Variants in TSEN2 observed in about 807,000 individuals in gnomAD.
TSEN2 encodes tRNA-splicing endonuclease subunit Sen2.
A neutral mutation model predicts 59.2 loss-of-function variants in TSEN2; 54 were observed. That is an observed-to-expected ratio of 0.91 (90% CI 0.73 to 1.14). The LOEUF (loss-of-function observed/expected upper bound fraction) is 1.14. Among genes scored for constraint, TSEN2 ranks in the 50% most tolerant of loss-of-function variants. TSEN2 has a pLI of 0.00. For synonymous variants in TSEN2, 195 were observed against 198.2 expected (o/e 0.98, Z 0.14); for missense variants, 636 against 576.2 (o/e 1.10, Z -1.06).
chr3:12,527,630 A>G (rs1247704824), intron 8 of TSEN2, among the ~76,000 whole-genome samples: 1 of 152,090 alleles, frequency 6.6e-6, no homozygotes, highest in Non-Finnish European at 1.5e-5. Flanking sequence ...GGCAATTCCC[A>G]TAGCTGTAGT....
At chr3:12,490,270 A>G (rs1004753843) in intron 2 of TSEN2, among the ~76,000 whole-genome samples, 1 of 152,244 alleles carries the variant, frequency 6.6e-6, no homozygotes, top group South Asian at 2.1e-4. Context: ...TTTAGTTGTA[A>G]AAGCAATGCA....
At chr3:12,521,133 G>A (rs557569937) in intron 8 of TSEN2, among the ~76,000 whole-genome samples, 1 of 152,262 alleles carries the variant, frequency 6.6e-6, no homozygotes, top group South Asian at 2.1e-4. Flanking sequence ...CATTTTTGTG[G>A]CTGCCTAGTA....
chr3:12,527,410 C>G (rs1052165456), intron 8 of TSEN2, among the ~76,000 whole-genome samples: 2 of 151,196 alleles, frequency 1.3e-5, no homozygotes, highest in Admixed American at 6.6e-5. Context: ...CTATCCATTC[C>G]TCAAGGGAAA....
At position 12,512,948 on chromosome 3, in the gene TSEN2, T is replaced by C. The variant is rs564322218; in HGVS notation, c.910-3663T>C. ...ATGTTAAAAACTATCATTAAACTTA[T>C]CCTTCCATCTTATTAGTACTGCGAA... On this transcript the variant is annotated intron_variant, in intron 6 of 11. Transcript: ENST00000284995. Among the ~76,000 whole-genome samples, 42 of 152,348 alleles carry C rather than the reference T, an allele frequency of 2.8e-4. 1 individual carries two copies. The South Asian group carries it at 8.5e-3, about 31-fold the overall frequency.
rs187526822 is a variant in TSEN2, at chr3:12,520,556, G to A, written c.1099+1359G>A. The stretch of plus-strand genomic sequence containing the variant: ...TGTAATCCCAGCACTTTGGGAGGCC[G>A]AGGCGGGCAGATCGCTTGAGGTCAG... On this transcript the variant is annotated intron_variant, in intron 8 of 11. Coordinates refer to ENST00000284995, the MANE Select transcript of TSEN2 (RefSeq NM_025265.4). Among the ~76,000 whole-genome samples, 561 of 152,260 alleles carry A rather than the reference G, an allele frequency of 3.7e-3. 1 individual carries two copies. The highest frequency in any genetic ancestry group is 5.8e-3 in the South Asian group (28 of 4,822).
rs768531047 is a variant in TSEN2 at position 12,519,156 on chromosome 3, G to A, written c.1058G>A (p.Gly353Asp). Residue 353 changes from glycine to aspartate, a missense_variant, in exon 8 of 12, where the codon GGC becomes GAC. Transcript: ENST00000284995. ...GCCTACCATTACTTTCGAAGCAAGG[G>A]CTGGGTGCCCAAAGTGGGACTCAAG... Reference protein sequence around the residue: ...YMAYHYFRSKGWVPKVGLKYG... With the variant: ...YMAYHYFRSKDWVPKVGLKYG... The A allele has an allele frequency of 3.7e-6, 6 of 1,614,096 alleles. No individual in the cohort carries two copies. Among genetic ancestry groups the A allele is most frequent in the Non-Finnish European group, 2.5e-6 (3 of 1,180,052 alleles).
At chr3:12,486,608 G>C (rs1559265301) in intron 1 of TSEN2, among the ~76,000 whole-genome samples, 1 of 152,168 alleles carries the variant, frequency 6.6e-6, no homozygotes, top group Non-Finnish European at 1.5e-5. Flanking sequence ...ACGAGTCAGT[G>C]GTCTTCGTAT....
In TSEN2 at chr3:12,492,147, A is replaced by G. The variant is rs1033409142; in HGVS notation, c.201A>G (p.Gly67=). ...IEQLYGKGYF[G]KGILSRSRPS... The stretch of plus-strand genomic sequence containing the variant: ...TCTCTTCCTGGAAGGGTTATTTTGG[A>G]AAAGGTATTCTTTCAAGAAGCCGTC... Residue 67 remains glycine, a synonymous_variant, in exon 3 of 12, where the codon GGA becomes GGG. Coordinates refer to ENST00000284995, the MANE Select transcript of TSEN2 (RefSeq NM_025265.4). 3 of 1,613,896 alleles carry G rather than the reference A, an allele frequency of 1.9e-6. No homozygotes were observed. The highest frequency in any genetic ancestry group is 1.3e-5 in the African/African-American group (1 of 75,058).
At chr3:12,525,589 C>G (rs183643671) in intron 8 of TSEN2, among the ~76,000 whole-genome samples, 9 of 152,256 alleles carry the variant, frequency 5.9e-5, no homozygotes, top group Non-Finnish European at 1.2e-4. Flanking sequence ...CAAGGTCTCA[C>G]TCTATCCCCG....
At chr3:12,520,945 C>T (rs1056496711) in intron 8 of TSEN2, among the ~76,000 whole-genome samples, 5 of 152,152 alleles carry the variant, frequency 3.3e-5, no homozygotes, top group African/African-American at 9.7e-5. Context: ...TCCCTCTCTT[C>T]ACCCTCAGGT....
At chr3:12,501,437 T>A (rs1240222106) in intron 4 of TSEN2, among the ~76,000 whole-genome samples, 1 of 152,190 alleles carries the variant, frequency 6.6e-6, no homozygotes, top group East Asian at 1.9e-4. Context: ...ATTCCCAGTA[T>A]ATAGGGAGGC....
intron 4 of TSEN2, among the ~76,000 whole-genome samples, chr3:12,498,971 G>A (rs938607808): frequency 6.6e-6 from 1 of 152,082 alleles, no homozygotes; most frequent in African/African-American, 2.4e-5. Flanking sequence ...TCTTGCCCAG[G>A]CTGGTCTTGG....
In TSEN2 at chr3:12,505,142, C is replaced by T. The variant is rs747831049; in HGVS notation, c.832-12C>T. Reference sequence around the variant, plus strand: ...CATTTGTTCTGTATATATTGTATTTCTTTCTCTTTAGTTGGTGCAAAGAAA... The same window carrying T: ...CATTTGTTCTGTATATATTGTATTTTTTTCTCTTTAGTTGGTGCAAAGAAA... On this transcript the variant is annotated splice_polypyrimidine_tract_variant and intron_variant, in intron 5 of 11. Coordinates refer to ENST00000284995, the MANE Select transcript of TSEN2 (RefSeq NM_025265.4). 1 of 1,548,904 alleles carries T rather than the reference C, an allele frequency of 6.5e-7. No homozygotes were observed. The highest frequency in any genetic ancestry group is 8.9e-7 in the Non-Finnish European group (1 of 1,120,636).
chr3:12,499,525 A>T (rs777252628), intron 4 of TSEN2, among the ~76,000 whole-genome samples: 3 of 152,188 alleles, frequency 2.0e-5, no homozygotes, highest in Non-Finnish European at 2.9e-5. Flanking sequence ...CCAGTCTCTG[A>T]GCTTGCCTGC....
At chr3:12,538,307 G>A (rs747349753), downstream of TSEN2, among the ~76,000 whole-genome samples, 109 of 152,316 alleles carry the variant, frequency 7.2e-4, no homozygotes, top group Middle Eastern at 0.017. Flanking sequence ...GAAGTGGTTC[G>A]GGCTCCCGAA....
upstream of TSEN2, among the ~76,000 whole-genome samples, chr3:12,483,741 T>C (rs2052311595): frequency 6.6e-6 from 1 of 152,230 alleles, no homozygotes; most frequent in African/African-American, 2.4e-5. Flanking sequence ...GTGATTCATA[T>C]TTGGGAAAGT....
intron 6 of TSEN2, chr3:12,514,727 A>G (rs2055870111): frequency 2.0e-5 from 3 of 152,212 alleles, no homozygotes; most frequent in African/African-American, 4.8e-5. Context: ...AACAGCACAT[A>G]TACTAAAATT....
At chr3:12,495,856 G>A (rs975349986) in intron 3 of TSEN2, among the ~76,000 whole-genome samples, 2 of 152,168 alleles carry the variant, frequency 1.3e-5, no homozygotes, top group South Asian at 2.1e-4. Flanking sequence ...TAAACATTTC[G>A]GTTGGAAAGA....
intron 2 of TSEN2, among the ~76,000 whole-genome samples, chr3:12,490,402 C>T (rs1365676127): frequency 2.0e-5 from 3 of 152,248 alleles, no homozygotes; most frequent in Non-Finnish European, 4.4e-5. Flanking sequence ...TGTCCCTACT[C>T]AGGCACGGAT....
Sources: allele counts gnomAD v4.1 joint callset (sites outside exome capture counted in the v4.1 genomes callset), GRCh38; gene constraint gnomAD v4.1.1; transcripts MANE v1.5; gene names NCBI Gene and HGNC (gene_info 2026-07-23, HGNC 2026-07-21).